The following TCTN2 variants were observed in gnomAD, a reference collection of about 807,000 sequenced individuals.
TCTN2 encodes the protein tectonic family member 2, also known as tectonic-2.
In TCTN2, 66 loss-of-function variants were observed where a neutral mutation model predicts 83.4. The observed-to-expected ratio is 0.79, with a 90% CI of 0.65 to 0.97. The LOEUF is 0.97. Ranked by LOEUF, TCTN2 falls within the 50% of genes least tolerant of loss-of-function variation. The probability of loss-of-function intolerance (pLI) is 0.00; values close to 1 mark genes in which losing one functional copy is unlikely to be tolerated. For missense variants in TCTN2, 794 were observed against 858.1 expected, an observed-to-expected ratio of 0.93 and a Z score of 0.93; for synonymous variants, 301 against 326.7, an observed-to-expected ratio of 0.92 and a Z score of 0.85.
chr12:123,679,417 G>GCA, intron 5 of TCTN2, 128 bp downstream of exon 5: 1 of 867,286 alleles, frequency 1.2e-6, no homozygotes, highest in Non-Finnish European at 1.9e-6. Flanking sequence ...GCTGGAGTAT[G>GCA]GTGATGCAAT....
chr12:123,705,110 T>C (rs7136939), intron 15 of TCTN2, among the ~76,000 whole-genome samples: 46,781 of 151,284 alleles, frequency 0.31, 7,791 homozygotes, highest in Non-Finnish European at 0.38. Context: ...GAGCTGTAGT[T>C]TCCTCCTCTG....
chr12:123,683,789 C>T (rs1955929530), intron 5 of TCTN2, among the ~76,000 whole-genome samples: 1 of 152,158 alleles, frequency 6.6e-6, no homozygotes, highest in African/African-American at 2.4e-5. Flanking sequence ...CAGGCGCGTG[C>T]CACCATGCTC....
intron 3 of TCTN2, among the ~76,000 whole-genome samples, chr12:123,672,453 A>T (rs548796674): frequency 2.0e-5 from 3 of 152,136 alleles, no homozygotes; most frequent in Non-Finnish European, 1.5e-5. Context: ...AAAAAGCTTT[A>T]TGCCAGGCAT....
intron 5 of TCTN2, among the ~76,000 whole-genome samples, chr12:123,685,163 C>T (rs1955949162): frequency 6.6e-6 from 1 of 152,104 alleles, no homozygotes; most frequent in Non-Finnish European, 1.5e-5. Flanking sequence ...CCATGTCGGA[C>T]TCCCTTTTGC....
intron 9 of TCTN2, 39 bp downstream of exon 9, chr12:123,692,762 C>T: frequency 6.8e-7 from 1 of 1,473,704 alleles, no homozygotes; most frequent in Non-Finnish European, 9.5e-7. Flanking sequence ...TCTTCAGAAA[C>T]AGATATGTCA....
intron 3 of TCTN2, 119 bp from the exon 4 acceptor site, chr12:123,673,496 C>A: frequency 1.0e-6 from 1 of 966,176 alleles, no homozygotes; most frequent in Non-Finnish European, 1.6e-6. Flanking sequence ...TCTCTGTATA[C>A]ATTTCCCTTT....
At chr12:123,679,629 G>A (rs552380117) in intron 5 of TCTN2, among the ~76,000 whole-genome samples, 1 of 151,804 alleles carries the variant, frequency 6.6e-6, no homozygotes, top group South Asian at 2.1e-4. Context: ...CTCCCAAAAT[G>A]TTGGGATTAC....
At chr12:123,705,560 G>C (rs1162214842) in intron 15 of TCTN2, among the ~76,000 whole-genome samples, 1 of 152,112 alleles carries the variant, frequency 6.6e-6, no homozygotes, top group Non-Finnish European at 1.5e-5. Flanking sequence ...CATACAGCTA[G>C]TTCATGGTTC....
chr12:123,695,049 A>C lies in TCTN2; in HGVS notation c.1234+73A>C, dbSNP rs1412768806. 2.5e-6 allele frequency: 4 copies of C among 1,585,688 alleles called. No individual in the cohort carries two copies. The African/African-American group carries it at 5.4e-5, about 21-fold the overall frequency. On this transcript the variant is annotated intron_variant, in intron 10 of 17. Coordinates refer to ENST00000303372, the MANE Select transcript of TCTN2 (RefSeq NM_024809.5). ...TTTTTCCTCTTTTCAAGATTCTCATAATTATAACCCATAAAACTAAGTTGG... is the reference window on the plus strand; with the variant it reads ...TTTTTCCTCTTTTCAAGATTCTCATCATTATAACCCATAAAACTAAGTTGG...
intron 8 of TCTN2, among the ~76,000 whole-genome samples, chr12:123,691,028 C>T (rs1054075200): frequency 1.3e-5 from 2 of 152,078 alleles, no homozygotes; most frequent in Non-Finnish European, 2.9e-5. Context: ...GCCACCATGA[C>T]TGGCTAATTT....
Position 123,690,736 on chromosome 12 carries a change from A to T in TCTN2, c.1033+62A>T. ...AAACATGAATATAAAGTATGATCTC[A>T]TGAGAGTATAAATCATTTCTACTGG... is the stretch of plus-strand genomic sequence containing the variant. On this transcript the variant is annotated intron_variant, in intron 8 of 17. Transcript: ENST00000303372. The T allele has an allele frequency of 1.9e-6, 3 of 1,581,050 alleles. No homozygotes were observed. In the Admixed American group the frequency reaches 5.0e-5, roughly 26 times the overall value.
chr12:123,681,256 C>CAAA (rs71088946), intron 5 of TCTN2, among the ~76,000 whole-genome samples: 83 of 142,874 alleles, frequency 5.8e-4, no homozygotes, highest in African/African-American at 1.8e-3. Context: ...GACTCTCTTT[C>CAAA]AAAAAAAAAG....
chr12:123,681,326 A>G (rs1458920223), intron 5 of TCTN2, among the ~76,000 whole-genome samples: 1 of 152,108 alleles, frequency 6.6e-6, no homozygotes, highest in Non-Finnish European at 1.5e-5. Context: ...CAGTTGTACA[A>G]CCATCACCAC....
intron 5 of TCTN2, among the ~76,000 whole-genome samples, chr12:123,684,649 C>T (rs1404028012): frequency 2.6e-5 from 4 of 152,110 alleles, no homozygotes; most frequent in Non-Finnish European, 4.4e-5. Context: ...ATCTACCCAC[C>T]TTGGCTTCCC....
chr12:123,686,905 A>G lies in TCTN2; in HGVS notation c.634A>G (p.Asn212Asp), dbSNP rs748166473. ...CACCGGCGTGTTTGGAGGAGACGTC[A>G]ATCCTCCTTTTGATCAGCTCTGCTC... ...CFTGVFGGDVNPPFDQLCSAG... is the reference protein window; with the variant it reads ...CFTGVFGGDVDPPFDQLCSAG... Residue 212 changes from asparagine (N) to aspartate (D), a missense_variant, in exon 6 of 18, where the codon AAT (asparagine) becomes GAT (aspartate). Asn to Asp is a conservative substitution (Grantham distance 23). Transcript: ENST00000303372. 1.2e-6 allele frequency: 2 copies of G among 1,614,082 alleles called. No individual in the cohort carries two copies. The highest frequency in any genetic ancestry group is 1.7e-6 in the Non-Finnish European group (2 of 1,180,048).
At chr12:123,676,297 G>A (rs550117806) in intron 4 of TCTN2, among the ~76,000 whole-genome samples, 3 of 151,898 alleles carry the variant, frequency 2.0e-5, no homozygotes, top group South Asian at 2.1e-4. Flanking sequence ...GACCGGGCGC[G>A]GTGGCTCACG....
At chr12:123,677,115 G>T (rs1032602877) in intron 4 of TCTN2, among the ~76,000 whole-genome samples, 2 of 152,106 alleles carry the variant, frequency 1.3e-5, no homozygotes, top group Non-Finnish European at 1.5e-5. Context: ...GGAGGTTGAG[G>T]CTGCAGTGAG....
chr12:123,707,504 T>G, intron 17 of TCTN2, 100 bp from the exon 18 acceptor site: 1 of 1,143,050 alleles, frequency 8.7e-7, no homozygotes, highest in Non-Finnish European at 1.3e-6. Flanking sequence ...TCCCAAAGTG[T>G]TAGGATTACA....
chr12:123,677,946 AC>A (rs1348730896), intron 4 of TCTN2, among the ~76,000 whole-genome samples: 1 of 149,968 alleles, frequency 6.7e-6, no homozygotes, highest in African/African-American at 2.5e-5. Context: ...ACAAACTCTT[AC>A]GTGTGTTTCA....
Sources: allele counts gnomAD v4.1 joint callset (sites outside exome capture counted in the v4.1 genomes callset), GRCh38; gene constraint gnomAD v4.1.1; transcripts MANE v1.5; gene names NCBI Gene and HGNC (gene_info 2026-07-23, HGNC 2026-07-21).